The following TGM2 variants were observed in gnomAD, a reference collection of about 807,000 sequenced individuals.
The protein encoded by TGM2 is transglutaminase 2, also known as protein-glutamine gamma-glutamyltransferase 2.
In TGM2, 53 loss-of-function variants were observed where a neutral mutation model predicts 75.6. The ratio of observed to expected loss-of-function variants is 0.70; its 90% CI spans 0.56 to 0.88. The LOEUF is 0.88. TGM2 is among the 40% of genes least tolerant of loss of function. The pLI, the probability that TGM2 is intolerant of heterozygous loss-of-function variation, is 0.00. For missense variants in TGM2, 842 were observed against 928.5 expected, an observed-to-expected ratio of 0.91 and a Z score of 1.21; for synonymous variants, 374 against 381.1, an observed-to-expected ratio of 0.98 and a Z score of 0.22.
chr20:38,136,031 G>T (rs2074896346), intron 10 of TGM2, among the ~76,000 whole-genome samples: 1 of 152,210 alleles, frequency 6.6e-6, no homozygotes, highest in South Asian at 2.1e-4. Context: ...TCAAAGCCAG[G>T]TCTTCCTGGC....
chr20:38,144,049 C>T (rs541694638), intron 6 of TGM2, among the ~76,000 whole-genome samples: 11 of 152,352 alleles, frequency 7.2e-5, no homozygotes, highest in Admixed American at 3.3e-4. Flanking sequence ...AACCACAGGT[C>T]TTATCCCACC....
rs556711189 is a variant in TGM2 at position 38,140,429 on chromosome 20, G to A, written c.1100-775C>T. On this transcript the variant is annotated intron_variant, in intron 8 of 12. Coordinates refer to ENST00000361475, the MANE Select transcript of TGM2 (RefSeq NM_004613.4). ...CTGGAGGTCTTAAACCAGGGCCCAC[G>A]GATCCCCCCAAGGCACTACCAACAG... 6.6e-5 allele frequency among the ~76,000 whole-genome samples: 10 copies of A among 152,262 alleles called. 1 individual carries two copies. The highest frequency in any genetic ancestry group is 1.9e-4 in the African/African-American group (8 of 41,550).
intron 8 of TGM2, among the ~76,000 whole-genome samples, chr20:38,140,030 G>A (rs910960914): frequency 6.6e-6 from 1 of 152,258 alleles, no homozygotes; most frequent in Non-Finnish European, 1.5e-5. Context: ...AAATGGAAAT[G>A]TATCCCAGAC....
chr20:38,129,027 A>G lies in TGM2; in HGVS notation c.*1192T>C, dbSNP rs1449882299. 2 of 152,502 alleles carry G rather than the reference A, an allele frequency of 1.3e-5. No homozygotes were observed. The highest frequency in any genetic ancestry group is 3.8e-4 in the East Asian group (2 of 5,198). 9.4% of individuals were successfully genotyped at this position (152,502 alleles called of 1,614,324 possible). The stretch of plus-strand genomic sequence containing the variant: ...CTGAAGGGTGGTACCTGGGCATAGG[A>G]AGGAACCAGGACAGGGCTGGGGACA... On this transcript the variant is annotated 3_prime_UTR_variant, in exon 13 of 13. Coordinates refer to ENST00000361475, the MANE Select transcript of TGM2 (RefSeq NM_004613.4).
intron 10 of TGM2, among the ~76,000 whole-genome samples, chr20:38,136,833 G>A (rs1236937142): frequency 6.6e-6 from 1 of 152,096 alleles, no homozygotes; most frequent in Admixed American, 6.5e-5. Flanking sequence ...TGTGACCTCA[G>A]TGGCCACGGC....
At chr20:38,156,825 C>G (rs73905559) in intron 2 of TGM2, among the ~76,000 whole-genome samples, 2 of 152,342 alleles carry the variant, frequency 1.3e-5, no homozygotes, top group Admixed American at 1.3e-4. Context: ...GCAAAGCGGT[C>G]TCCCAAGGAT....
intron 6 of TGM2, among the ~76,000 whole-genome samples, chr20:38,144,198 G>T (rs564084380): frequency 1.3e-5 from 2 of 152,204 alleles, no homozygotes; most frequent in Admixed American, 6.5e-5. Flanking sequence ...CCCCAGCACC[G>T]TGCACACCTG....
intron 9 of TGM2, among the ~76,000 whole-genome samples, chr20:38,139,043 T>C (rs577505528): frequency 6.6e-6 from 1 of 152,242 alleles, no homozygotes; most frequent in African/African-American, 2.4e-5. Context: ...GCAGGAACTA[T>C]GGTTTCTTAG....
At chr20:38,146,060 C>A (rs540670883) in intron 6 of TGM2, 1 of 154,908 alleles carries the variant, frequency 6.5e-6, no homozygotes, top group South Asian at 2.0e-4. Flanking sequence ...TGATGCTAAC[C>A]CATTCTCATA....
At chr20:38,133,378 T>C (rs2074860193) in intron 10 of TGM2, 1 of 161,278 alleles carries the variant, frequency 6.2e-6, no homozygotes, top group African/African-American at 2.4e-5. Flanking sequence ...TGTTCCCAGA[T>C]CTTATCACCT....
At chr20:38,148,906 T>C (rs1318451443) in intron 4 of TGM2, among the ~76,000 whole-genome samples, 1 of 152,150 alleles carries the variant, frequency 6.6e-6, no homozygotes. Flanking sequence ...CTGTCTGCTC[T>C]TTTCCCCCCA....
In TGM2 at chr20:38,130,001, G is replaced by A. The variant is rs982317040; in HGVS notation, c.*218C>T. ...CAAGGTCAGGGCTCCCACTGTTTCTGGCACAGAGCATTCCTCACAGCAAAG... is the reference window on the plus strand; with the variant it reads ...CAAGGTCAGGGCTCCCACTGTTTCTAGCACAGAGCATTCCTCACAGCAAAG... On this transcript the variant is annotated 3_prime_UTR_variant, in exon 13 of 13. Coordinates refer to ENST00000361475, the MANE Select transcript of TGM2 (RefSeq NM_004613.4). 19 of 625,030 alleles carry A rather than the reference G, an allele frequency of 3.0e-5. No individual in the cohort carries two copies. Among genetic ancestry groups the A allele is most frequent in the Middle Eastern group, 4.3e-4 (1 of 2,338 alleles). 38.7% of individuals were successfully genotyped at this position (625,030 alleles called of 1,614,324 possible).
chr20:38,156,724 C>T (rs907665018), intron 2 of TGM2, among the ~76,000 whole-genome samples: 1 of 152,170 alleles, frequency 6.6e-6, no homozygotes, highest in South Asian at 2.1e-4. Flanking sequence ...CTGGTCATAA[C>T]GACCCCTCAC....
chr20:38,160,754 T>C (rs2075242823), intron 2 of TGM2, among the ~76,000 whole-genome samples: 1 of 152,206 alleles, frequency 6.6e-6, no homozygotes, highest in Admixed American at 6.5e-5. Context: ...CTGATCCCAG[T>C]GCCTGGCTGG....
chr20:38,161,303 G>C (rs1300615549), intron 2 of TGM2, 117 bp downstream of exon 2: 1 of 1,379,816 alleles, frequency 7.2e-7, no homozygotes, highest in African/African-American at 1.4e-5. Flanking sequence ...AATCTCCCAG[G>C]GAACAAAGAA....
chr20:38,127,879 G>C lies in TGM2; in HGVS notation c.*2340C>G, dbSNP rs1212861819. Reference sequence around the variant, plus strand: ...TGTGGCTCATGTATTATTTCTATGGGACAGCACAGGTCTTGTGGGAGTTGA... The same window carrying C: ...TGTGGCTCATGTATTATTTCTATGGCACAGCACAGGTCTTGTGGGAGTTGA... On this transcript the variant is annotated 3_prime_UTR_variant, in exon 13 of 13. Transcript: ENST00000361475. The C allele has an allele frequency of 3.3e-5, 5 of 152,110 alleles. No individual in the cohort carries two copies. Among genetic ancestry groups the C allele is most frequent in the Admixed American group, 2.6e-4 (4 of 15,264 alleles). The allele number at this position is 152,110 out of a possible 1,614,324, so 9.4% of individuals were successfully genotyped here.
At position 38,141,542 on chromosome 20, in the gene TGM2, G is replaced by A. The variant is rs373937792; in HGVS notation, c.996-157C>T. Among the ~76,000 whole-genome samples the A allele has an allele frequency of 1.9e-3, 295 of 152,038 alleles. 3 individuals are homozygous for A. The South Asian group carries it at 0.027, about 14-fold the overall frequency. Reference sequence around the variant, plus strand: ...CCCACTGCCTTGTTCTTCCCCCCACGGGGGCCCATCTCACAGCACCCTCTC... The same window carrying A: ...CCCACTGCCTTGTTCTTCCCCCCACAGGGGCCCATCTCACAGCACCCTCTC... On this transcript the variant is annotated intron_variant, in intron 7 of 12. Transcript: ENST00000361475.
chr20:38,141,981 C>A (rs912919404), intron 7 of TGM2, 83 bp downstream of exon 7: 3 of 1,556,696 alleles, frequency 1.9e-6, no homozygotes, highest in Non-Finnish European at 2.7e-6. Flanking sequence ...TCAAATGTGA[C>A]CTCCTCCAAG....
At chr20:38,141,777 C>G (rs986757675) in intron 7 of TGM2, among the ~76,000 whole-genome samples, 2 of 151,502 alleles carry the variant, frequency 1.3e-5, no homozygotes, top group Non-Finnish European at 2.9e-5. Context: ...CAGCCCCGCC[C>G]TCTCCCACTC....
Sources: gnomAD v4.1 joint callset for allele counts (sites outside exome capture counted in the v4.1 genomes callset) on GRCh38, gnomAD v4.1.1 for gene constraint, MANE v1.5 for transcripts, NCBI Gene and HGNC (gene_info 2026-07-23, HGNC 2026-07-21) for gene names.